Variants in DYSF observed in about 807,000 individuals in gnomAD.
DYSF encodes dysferlin, also known as dystrophy-associated fer-1-like 1.
DYSF carries 212 observed loss-of-function variants against 274.9 expected under a neutral mutation model. That is an observed-to-expected ratio of 0.77 (90% confidence interval 0.69 to 0.86). The LOEUF is 0.86. Ranked by LOEUF, DYSF falls within the 40% of genes least tolerant of loss-of-function variation. DYSF has a pLI of 0.00. For synonymous variants in DYSF, 1,091 were observed against 1,078.7 expected, an observed-to-expected ratio of 1.01 and a Z score of -0.22; for missense variants, 2,666 against 2,783.2, an observed-to-expected ratio of 0.96 and a Z score of 0.95.
intron 46 of DYSF, among the ~76,000 whole-genome samples, chr2:71,664,710 AC>A (rs376962608): frequency 4.7e-4 from 71 of 152,346 alleles, no homozygotes; most frequent in African/African-American, 1.7e-3. Context: ...TCTGTAATGC[AC>A]ATAGAAGGCC....
At chr2:71,533,299 A>G (rs1237751532) in intron 14 of DYSF, among the ~76,000 whole-genome samples, 1 of 152,188 alleles carries the variant, frequency 6.6e-6, no homozygotes, top group African/African-American at 2.4e-5. Flanking sequence ...GGATTAAGGC[A>G]TGAGCCACCG....
chr2:71,480,935 T>A lies in DYSF; in HGVS notation c.144T>A (p.Asn48Lys), dbSNP rs760852479. 9 of 1,613,854 alleles carry A rather than the reference T, an allele frequency of 5.6e-6. No individual in the cohort carries two copies. The highest frequency in any genetic ancestry group is 1.1e-5 in the South Asian group (1 of 91,074). ...VIKNSVNPVW[N>K]EGFEWDLKGI... ...AGAACAGCGTGAACCCTGTATGGAA[T>A]GAGGTATGTGAGTTTTTCTCCTTCC... is the stretch of plus-strand genomic sequence containing the variant. Residue 48 changes from asparagine (N) to lysine (K), a missense_variant, in exon 2 of 56, where the codon AAT (asparagine) becomes AAA (lysine). Asn to Lys is a moderately conservative substitution (Grantham distance 94). Around this residue, in one of 3 missense-constraint regions of DYSF, gnomAD observed 794 missense variants for 777.1 expected, o/e 1.02. Transcript: ENST00000410020.
intron 22 of DYSF, among the ~76,000 whole-genome samples, chr2:71,559,465 C>T (rs2091572407): frequency 6.6e-6 from 1 of 152,178 alleles, no homozygotes; most frequent in Non-Finnish European, 1.5e-5. Context: ...TCCATGTCAG[C>T]CCTGCAGTGG....
At position 71,553,188 on chromosome 2, in the gene DYSF, G is replaced by A. The variant is rs200195517; in HGVS notation, c.1984G>A (p.Gly662Arg). 21 of 1,613,982 alleles carry A rather than the reference G, an allele frequency of 1.3e-5. No homozygotes were observed. Among genetic ancestry groups the A allele is most frequent in the African/African-American group, 2.7e-5 (2 of 75,032 alleles). ...TCAGTACAGCCGTGCAGTCTTTGAC[G>A]GTGAGGCAGTGCTCCTGGCTGGGAC... Reference protein sequence around the residue: ...TTQYSRAVFDGCHYYYLPWGN... With the variant: ...TTQYSRAVFDRCHYYYLPWGN... Residue 662 changes from glycine to arginine, a missense_variant and splice_region_variant, in exon 20 of 56, where the codon GGG becomes AGG. By Grantham distance (125) the Gly-to-Arg change is moderately radical (BLOSUM62 -2). Coordinates refer to ENST00000410020, the MANE Select transcript of DYSF (RefSeq NM_001130987.2).
At chr2:71,573,482 G>C (rs2092593162) in intron 29 of DYSF, among the ~76,000 whole-genome samples, 1 of 152,182 alleles carries the variant, frequency 6.6e-6, no homozygotes, top group South Asian at 2.1e-4. Flanking sequence ...GGGCTCCCGG[G>C]ACTCCCTTCA....
Position 71,553,947 on chromosome 2 carries a change from C to G in DYSF, c.2109+16C>G, listed in dbSNP as rs759474088. The G allele has an allele frequency of 2.5e-6, 4 of 1,614,080 alleles. No homozygotes were observed. In the South Asian group the frequency reaches 3.3e-5, roughly 13 times the overall value. On this transcript the variant is annotated intron_variant, in intron 21 of 55. Transcript: ENST00000410020. ...TGACCGGCTGGTGAGTGAAAACTTG[C>G]CCAAAGCTGCACATGCCTATGCATG... is the stretch of plus-strand genomic sequence containing the variant.
chr2:71,536,702 G>T (rs141176896), intron 16 of DYSF, among the ~76,000 whole-genome samples: 65 of 152,280 alleles, frequency 4.3e-4, no homozygotes, highest in African/African-American at 1.5e-3. Flanking sequence ...CTCTGGTTTG[G>T]GTTGAAGTGG....
chr2:71,611,700 G>A, intron 38 of DYSF, 74 bp downstream of exon 38: 3 of 1,556,984 alleles, frequency 1.9e-6, no homozygotes, highest in Non-Finnish European at 2.6e-6. Context: ...GAGCAGCCTG[G>A]GGCTTGTGCT....
intron 40 of DYSF, among the ~76,000 whole-genome samples, chr2:71,616,459 T>G (rs1284104568): frequency 7.2e-6 from 1 of 138,856 alleles, no homozygotes; most frequent in Non-Finnish European, 1.5e-5. Context: ...GTGGGGGTGG[T>G]GTGTGCACAT....
chr2:71,600,217 A>T (rs2093515903), intron 33 of DYSF, among the ~76,000 whole-genome samples: 1 of 152,214 alleles, frequency 6.6e-6, no homozygotes, highest in Non-Finnish European at 1.5e-5. Context: ...TGCCTTGATG[A>T]AAACATCATT....
intron 22 of DYSF, among the ~76,000 whole-genome samples, chr2:71,559,623 C>G (rs1429954566): frequency 1.3e-5 from 2 of 152,204 alleles, no homozygotes; most frequent in Non-Finnish European, 2.9e-5. Flanking sequence ...CAGGCTCCCC[C>G]TTGCCTCTGT....
At position 71,515,768 on chromosome 2, in the gene DYSF, A is replaced by G. The variant is rs1559053820; in HGVS notation, c.888+17A>G. ...TTCAATGAGGTGGGAGACATGGGGC[A>G]TGAGGGCCAGAACCTTGGTGGGCCT... On this transcript the variant is annotated intron_variant, in intron 8 of 55. Transcript: ENST00000410020. 6.2e-7 allele frequency: 1 copy of G among 1,614,062 alleles called. No individual in the cohort carries two copies. The highest frequency in any genetic ancestry group is 2.2e-5 in the East Asian group (1 of 44,854).
chr2:71,520,984 C>T, intron 12 of DYSF, 80 bp downstream of exon 12: 7 of 1,206,606 alleles, frequency 5.8e-6, no homozygotes, highest in Non-Finnish European at 6.1e-6. Context: ...CAAACAAAAA[C>T]TCTATTTTTT....
At chr2:71,454,050 G>T in exon 1 of DYSF, 1 of 1,614,158 alleles carries the variant, frequency 6.2e-7, no homozygotes, top group Non-Finnish European at 8.5e-7. Context: ...ACCCGACACC[G>T]ACATCAGCGA....
At chr2:71,582,532 G>GTACAC (rs2152834046) in intron 30 of DYSF, among the ~76,000 whole-genome samples, 1 of 152,296 alleles carries the variant, frequency 6.6e-6, no homozygotes, top group East Asian at 1.9e-4. Flanking sequence ...TTGTAGTAGT[G>GTACAC]TACACTACAT....
rs61140655 is a variant in DYSF at position 71,478,043 on chromosome 2, G to GTT, written c.92-2826_92-2825dup. On this transcript the variant is annotated intron_variant, in intron 1 of 55. Transcript: ENST00000410020. ...ACTTTTCCTTTTTTGGGAAGTTATA[G>GTT]TTTTTTTTTTTTTTTGCTATATATG... Among the ~76,000 whole-genome samples, 718 of 129,182 alleles carry GTT rather than the reference G, an allele frequency of 5.6e-3. 6 individuals carry two copies. The highest frequency in any genetic ancestry group is 0.025 in the Middle Eastern group (6 of 244). 84.7% of individuals were successfully genotyped at this position (129,182 alleles called of 152,430 possible).
chr2:71,672,138 G>A (rs1037560515), intron 51 of DYSF, among the ~76,000 whole-genome samples: 3 of 152,200 alleles, frequency 2.0e-5, no homozygotes, highest in Non-Finnish European at 4.4e-5. Context: ...CAGAGGCCAC[G>A]TGGCTCTGAA....
At chr2:71,543,534 G>C (rs1373290068) in intron 17 of DYSF, among the ~76,000 whole-genome samples, 2 of 152,192 alleles carry the variant, frequency 1.3e-5, no homozygotes, top group African/African-American at 2.4e-5. Context: ...GGTTGATAGC[G>C]AGCCGAGATC....
chr2:71,577,899 C>T (rs115909202), intron 30 of DYSF, among the ~76,000 whole-genome samples: 277 of 152,244 alleles, frequency 1.8e-3, no homozygotes, highest in African/African-American at 6.4e-3. Flanking sequence ...GGTCTTTGCC[C>T]ACGGGTCCCT....
Sources: allele counts gnomAD v4.1 joint callset (sites outside exome capture counted in the v4.1 genomes callset), GRCh38; gene constraint gnomAD v4.1.1; regional missense constraint gnomAD v4.1.1; transcripts MANE v1.5; gene names NCBI Gene and HGNC (gene_info 2026-07-23, HGNC 2026-07-21).